TMEM165: variants seen among roughly 807,000 people sequenced by gnomAD.
The protein encoded by TMEM165 is putative divalent cation/proton antiporter TMEM165.
Under a neutral mutation model 30.0 loss-of-function variants are expected in TMEM165, and 19 were observed. That is an observed-to-expected ratio of 0.63 (90% CI 0.44 to 0.93). The LOEUF is 0.93. Ranked by LOEUF, TMEM165 falls within the 40% of genes least tolerant of loss-of-function variation. The pLI, the probability that TMEM165 is intolerant of heterozygous loss-of-function variation, is 0.00. For synonymous variants in TMEM165, 168 were observed against 162.9 expected, an observed-to-expected ratio of 1.03 and a Z score of -0.24; for missense variants, 340 against 417.0, an observed-to-expected ratio of 0.82 and a Z score of 1.61.
Position 55,417,840 on chromosome 4 carries a change from T to C in TMEM165, c.647T>C (p.Val216Ala), listed in dbSNP as rs777670834. The C allele has an allele frequency of 6.2e-6, 10 of 1,612,486 alleles. No homozygotes were observed. Among genetic ancestry groups the C allele is most frequent in the Non-Finnish European group, 6.8e-6 (8 of 1,179,628 alleles). Residue 216 changes from valine to alanine, a missense_variant, in exon 4 of 6, where the codon GTT becomes GCT. Val to Ala is a moderately conservative substitution (Grantham distance 64). Coordinates refer to ENST00000381334, the MANE Select transcript of TMEM165 (RefSeq NM_018475.5). ...AAACTTTTAAATGGACCGGGAGATG[T>C]TGAAACGGGTACAAGCATAACAGTA... ...RTKLLNGPGD[V>A]ETGTSITVPQ...
At position 55,448,687 on chromosome 4, in the gene TMEM165, G is replaced by T. The variant is rs549629000; in HGVS notation, c.409-3552G>T. On this transcript the variant is annotated intron_variant, in intron 3 of 3. Coordinates refer to the TMEM165 transcript ENST00000608091. ...CAAGTAGCTGTGGCTACAGGTGCTT[G>T]CCAGCAAGCCTGGATTTTTAAAAAA... The T allele has an allele frequency of 5.6e-5, 53 of 946,814 alleles. No individual in the cohort carries two copies. In the South Asian group the frequency reaches 7.0e-4, roughly 13 times the overall value. 58.7% of individuals were successfully genotyped at this position (946,814 alleles called of 1,614,324 possible).
At chr4:55,398,348 ACAACAG>A (rs142514414) in intron 1 of TMEM165, among the ~76,000 whole-genome samples, 3,713 of 152,288 alleles carry the variant, frequency 0.024, 148 homozygotes, top group African/African-American at 0.085. Flanking sequence ...TTTAATCCTC[ACAACAG>A]CACGTTAAAC....
chr4:55,422,271 C>CT (rs577937324), intron 4 of TMEM165, among the ~76,000 whole-genome samples: 49 of 152,056 alleles, frequency 3.2e-4, no homozygotes, highest in Non-Finnish European at 3.7e-4. Context: ...TTTATTGACT[C>CT]TTTTTTTTGA....
intron 3 of TMEM165, among the ~76,000 whole-genome samples, chr4:55,446,551 G>T (rs987452632): frequency 2.6e-4 from 40 of 152,232 alleles, no homozygotes; most frequent in African/African-American, 8.7e-4. Flanking sequence ...ACTATCCTCA[G>T]ATAAGTATAG....
rs1721908848 is a variant in TMEM165 at position 55,420,121 on chromosome 4, AC to A, written c.792+2137del. On this transcript the variant is annotated intron_variant, in intron 4 of 5. Coordinates refer to ENST00000381334, the MANE Select transcript of TMEM165 (RefSeq NM_018475.5). ...AAGAAAAAAAAATATATATATATAT[AC>A]ATATATATTTATTTATTTATTTATT... 4.5e-5 allele frequency among the ~76,000 whole-genome samples: 2 copies of A among 44,632 alleles called. 1 individual carries two copies. Among genetic ancestry groups the A allele is most frequent in the South Asian group, 6.1e-3 (2 of 328 alleles). 29.3% of individuals were successfully genotyped at this position (44,632 alleles called of 152,430 possible).
rs112843054 is a variant in TMEM165, at chr4:55,446,104, T to C, written c.409-6135T>C. On this transcript the variant is annotated intron_variant, in intron 3 of 3. Transcript: ENST00000608091. ...TTACTGGAAAAAAATTTAACTTCTTTTTTTTTTTTTTTTTTTTGAGACAGA... is the reference window on the plus strand; with the variant it reads ...TTACTGGAAAAAAATTTAACTTCTTCTTTTTTTTTTTTTTTTTGAGACAGA... 9.0e-3 allele frequency among the ~76,000 whole-genome samples: 306 copies of C among 33,972 alleles called. 5 individuals are homozygous for C. Among genetic ancestry groups the C allele is most frequent in the East Asian group, 0.057 (37 of 652 alleles). The allele number at this position is 33,972 out of a possible 152,430, so 22.3% of individuals were successfully genotyped here.
At chr4:55,428,129 A>AGTT (rs1453295989), downstream of TMEM165, 1 of 152,194 alleles carries the variant, frequency 6.6e-6, no homozygotes, top group Non-Finnish European at 1.5e-5. Context: ...TTTTGCTATA[A>AGTT]GTTTAGGTTC....
At chr4:55,416,709 AG>A (rs1331140910) in intron 2 of TMEM165, among the ~76,000 whole-genome samples, 1 of 152,170 alleles carries the variant, frequency 6.6e-6, no homozygotes, top group Admixed American at 6.5e-5. Context: ...AGCTCTTGAG[AG>A]GGCCTCAGAG....
chr4:55,407,065 G>T (rs767979584), intron 1 of TMEM165, among the ~76,000 whole-genome samples: 2 of 152,202 alleles, frequency 1.3e-5, no homozygotes, highest in African/African-American at 2.4e-5. Flanking sequence ...ACTTTTTTCT[G>T]TAATAGGCCT....
chr4:55,450,053 A>C (rs1373911950), intron 3 of TMEM165: 1 of 1,611,144 alleles, frequency 6.2e-7, no homozygotes, highest in African/African-American at 1.3e-5. Flanking sequence ...TTAGTTAGTT[A>C]CTTTAAAGGA....
rs187807658 is a variant in TMEM165 at position 55,417,111 on chromosome 4, A to G, written c.473A>G (p.Tyr158Cys). ...GCCACCACAGTCATCCCCAGGGTCT[A>G]TACATACTATGTTTCAACTGTATTA... The part of the protein sequence containing the change: ...GYATTVIPRV[Y>C]TYYVSTVLFA... Residue 158 changes from tyrosine (Y) to cysteine (C), a missense_variant, in exon 3 of 6, where the codon TAT (tyrosine) becomes TGT (cysteine). This residue lies in a region of TMEM165 where 220 missense variants were observed against 307.6 expected (regional missense o/e 0.72). Transcript: ENST00000381334. 3 of 1,613,860 alleles carry G rather than the reference A, an allele frequency of 1.9e-6. No homozygotes were observed. Among genetic ancestry groups the G allele is most frequent in the Non-Finnish European group, 1.7e-6 (2 of 1,179,906 alleles).
chr4:55,447,445 A>C (rs1262677467), intron 3 of TMEM165, among the ~76,000 whole-genome samples: 1 of 152,262 alleles, frequency 6.6e-6, no homozygotes, highest in Non-Finnish European at 1.5e-5. Flanking sequence ...TTGGACAAGC[A>C]TTATATTGAT....
At chr4:55,403,113 A>T in intron 1 of TMEM165, 1 of 488,380 alleles carries the variant, frequency 2.0e-6, no homozygotes, top group Non-Finnish European at 3.3e-6. Context: ...TTTTTGACTT[A>T]GTAGTGCCCA....
chr4:55,452,182 T>TG (rs1724519182), intron 3 of TMEM165: 4 of 152,112 alleles, frequency 2.6e-5, no homozygotes, highest in Admixed American at 2.0e-4. Flanking sequence ...TAGACAAAAG[T>TG]GGTGAGGTAT....
intron 2 of TMEM165, among the ~76,000 whole-genome samples, chr4:55,413,486 T>G (rs1332341427): frequency 6.6e-6 from 1 of 152,140 alleles, no homozygotes; most frequent in African/African-American, 2.4e-5. Context: ...GGATACTTAT[T>G]GTATGTTTTG....
chr4:55,453,365 G>A, exon 4 of TMEM165: 1 of 494,792 alleles, frequency 2.0e-6, no homozygotes, highest in Non-Finnish European at 3.6e-6. Context: ...CTTAAATTAA[G>A]AAAAATAAAT....
In TMEM165 at chr4:55,400,458, T is replaced by A. The variant is rs542876375; in HGVS notation, c.207+4062T>A. Reference sequence around the variant, plus strand: ...TATAATATATATAATATATATATATTTTTTTGTCTCACTCTGTCGCCCAGG... The same window carrying A: ...TATAATATATATAATATATATATATATTTTTGTCTCACTCTGTCGCCCAGG... On this transcript the variant is annotated intron_variant, in intron 1 of 5. Transcript: ENST00000381334. Among the ~76,000 whole-genome samples the A allele has an allele frequency of 6.5e-3, 911 of 139,930 alleles. 4 individuals carry two copies. The highest frequency in any genetic ancestry group is 8.8e-3 in the Non-Finnish European group (583 of 66,134). The allele number at this position is 139,930 out of a possible 152,430, so 91.8% of individuals were successfully genotyped here.
intron 3 of TMEM165, among the ~76,000 whole-genome samples, chr4:55,447,719 T>G (rs1723985883): frequency 6.6e-6 from 1 of 152,178 alleles, no homozygotes. Context: ...AGTATGTATC[T>G]CCTATCATAT....
At chr4:55,402,794 G>GTTTTTTTTTT (rs1491276185) in intron 1 of TMEM165, among the ~76,000 whole-genome samples, 8 of 52,520 alleles carry the variant, frequency 1.5e-4, no homozygotes, top group African/African-American at 2.5e-4. Context: ...TTTAAAAAAA[G>GTTTTTTTTTT]CTTTTTTTTT....
Sources: gnomAD v4.1 joint callset for allele counts (sites outside exome capture counted in the v4.1 genomes callset) on GRCh38, gnomAD v4.1.1 for gene constraint, gnomAD v4.1.1 regional missense constraint, MANE v1.5 for transcripts, NCBI Gene and HGNC (gene_info 2026-07-23, HGNC 2026-07-21) for gene names.